The following D2HGDH variants were observed in gnomAD, a reference collection of about 807,000 sequenced individuals.
D2HGDH encodes D-2-hydroxyglutarate dehydrogenase, mitochondrial.
Under a neutral mutation model 46.9 loss-of-function variants are expected in D2HGDH, and 31 were observed. The observed-to-expected ratio is 0.66, with a 90% CI of 0.50 to 0.89. The LOEUF (loss-of-function observed/expected upper bound fraction) is 0.89, where lower values mean the gene tolerates loss of function less well. D2HGDH is among the 40% of genes least tolerant of loss of function. D2HGDH has a pLI of 0.00. For synonymous variants in D2HGDH, 364 were observed against 332.6 expected (o/e 1.09, Z -1.03); for missense variants, 698 against 720.8 (o/e 0.97, Z 0.36).
At chr2:241,744,210 C>T (rs1695276579) in intron 5 of D2HGDH, among the ~76,000 whole-genome samples, 1 of 152,236 alleles carries the variant, frequency 6.6e-6, no homozygotes, top group Non-Finnish European at 1.5e-5. Context: ...AGCCGAGTGT[C>T]ACAGGCAGAG....
chr2:241,745,325 G>A (rs1362719748), intron 6 of D2HGDH, among the ~76,000 whole-genome samples: 1 of 152,220 alleles, frequency 6.6e-6, no homozygotes, highest in Non-Finnish European at 1.5e-5. Flanking sequence ...GCCTGCTGCT[G>A]TGTCTCCACA....
intron 7 of D2HGDH, 104 bp downstream of exon 7, chr2:241,750,398 CGGGCGGGTGG>C: frequency 5.8e-6 from 1 of 171,726 alleles, no homozygotes; most frequent in Non-Finnish European, 9.9e-6. Context: ...GGTGCCCGGG[CGGGCGGGTGG>C]GGGGTCCCTG....
chr2:241,741,239 C>T (rs531964531), intron 3 of D2HGDH, 149 bp downstream of exon 3: 24 of 771,152 alleles, frequency 3.1e-5, no homozygotes, highest in Admixed American at 2.6e-4. Context: ...TGTGGTTTTT[C>T]GGTGCTATCT....
rs903781156 is a variant in D2HGDH, at chr2:241,749,500, C to T, written c.854-651C>T. On this transcript the variant is annotated intron_variant, in intron 6 of 9. Coordinates refer to ENST00000321264, the MANE Select transcript of D2HGDH (RefSeq NM_152783.5). ...ATCTTTGCACTTGAGGGTCGGCTTC[C>T]CCAGGGCAGCGGCCTCACTGGTAGC... 4.0e-6 allele frequency: 3 copies of T among 759,234 alleles called. No homozygotes were observed. The African/African-American group carries it at 5.6e-5, about 14-fold the overall frequency. 47.0% of individuals were successfully genotyped at this position (759,234 alleles called of 1,614,324 possible). A position where few individuals can be genotyped will look rare whatever the true frequency, so the allele number is the denominator to read the frequency against.
chr2:241,755,046 T>A, intron 8 of D2HGDH: 2 of 1,300,608 alleles, frequency 1.5e-6, no homozygotes, highest in African/African-American at 1.5e-5. Flanking sequence ...ATGGTGCAGA[T>A]CTCCACAATG....
chr2:241,753,523 C>A (rs1339484329), intron 8 of D2HGDH, among the ~76,000 whole-genome samples: 1 of 152,240 alleles, frequency 6.6e-6, no homozygotes. Context: ...ACTCTGTGGT[C>A]TTTCCCTTCT....
chr2:241,756,079 C>CCCCG, intron 9 of D2HGDH, 65 bp downstream of exon 9: 1 of 1,528,202 alleles, frequency 6.5e-7, no homozygotes, highest in African/African-American at 1.4e-5. Flanking sequence ...GTCACCGTCA[C>CCCCG]CCTGCCAGGC....
At chr2:241,758,423 A>G (rs1052739105) in intron 9 of D2HGDH, among the ~76,000 whole-genome samples, 5 of 152,016 alleles carry the variant, frequency 3.3e-5, no homozygotes, top group Admixed American at 3.3e-4. Context: ...ATATTGGCAT[A>G]AAGTTGTTCG....
Position 241,767,824 on chromosome 2 carries a change from C to G in D2HGDH, c.1421C>G (p.Ala474Gly), listed in dbSNP as rs369324431. The change falls in exon 10 of 10, where the codon GCG (alanine) becomes GGG (glycine). Residue 474 changes from alanine to glycine, a missense_variant. Ala to Gly is a moderately conservative substitution (Grantham distance 60). Coordinates refer to ENST00000321264, the MANE Select transcript of D2HGDH (RefSeq NM_152783.5). ...GCCGGGCAGCAGGGCAGCGTCAGCGCGGAGCACGGAGTGGGCTTCAGGAAG... is the reference window on the plus strand; with the variant it reads ...GCCGGGCAGCAGGGCAGCGTCAGCGGGGAGCACGGAGTGGGCTTCAGGAAG... ...WTAGQQGSVS[A>G]EHGVGFRKRD... is the part of the protein sequence containing the mutation. The G allele has an allele frequency of 6.2e-7, 1 of 1,612,402 alleles. No homozygotes were observed. The highest frequency in any genetic ancestry group is 1.7e-5 in the Admixed American group (1 of 59,930).
At chr2:241,752,069 G>C (rs893025371) in intron 8 of D2HGDH, among the ~76,000 whole-genome samples, 3 of 146,864 alleles carry the variant, frequency 2.0e-5, no homozygotes, top group Non-Finnish European at 4.5e-5. Flanking sequence ...ACCGGGGCCT[G>C]GGCAGTGGGA....
At position 241,748,984 on chromosome 2, in the gene D2HGDH, G is replaced by A. The variant is rs753015323; in HGVS notation, c.854-1167G>A. Reference sequence around the variant, plus strand: ...ACTCGCCTCTTCGTGCCACGCCCACGTCTAAGCCGGGTGGAACAGGCCCTG... The same window carrying A: ...ACTCGCCTCTTCGTGCCACGCCCACATCTAAGCCGGGTGGAACAGGCCCTG... On this transcript the variant is annotated intron_variant, in intron 6 of 9. Coordinates refer to ENST00000321264, the MANE Select transcript of D2HGDH (RefSeq NM_152783.5). 125 of 1,250,530 alleles carry A rather than the reference G, an allele frequency of 1.0e-4. No homozygotes were observed. In the Middle Eastern group the frequency reaches 3.8e-3, roughly 38 times the overall value. 77.5% of individuals were successfully genotyped at this position (1,250,530 alleles called of 1,614,324 possible).
At chr2:241,758,769 A>ATGTATGTGTG (rs1698444699) in intron 9 of D2HGDH, among the ~76,000 whole-genome samples, 1 of 131,896 alleles carries the variant, frequency 7.6e-6, no homozygotes, top group South Asian at 2.7e-4. Flanking sequence ...CCCACAATAT[A>ATGTATGTGTG]TGTGTGTGTG....
Position 241,767,936 on chromosome 2 carries a change from C to T in D2HGDH, c.1533C>T (p.Leu511=), listed in dbSNP as rs575650000. 6.3e-7 allele frequency: 1 copy of T among 1,598,996 alleles called. No individual in the cohort carries two copies. ...CCCTGCTGGACCCCAAGGGCATCCT[C>T]AACCCCTACAAGACGCTGCCCAGCC... The part of the protein sequence containing the change: ...LKALLDPKGI[L]NPYKTLPSQA Residue 511 remains leucine, a synonymous_variant, in exon 10 of 10, where the codon CTC becomes CTT. Transcript: ENST00000321264.
chr2:241,755,805 C>A, intron 8 of D2HGDH, 44 bp from the exon 9 acceptor site: 1 of 1,610,272 alleles, frequency 6.2e-7, no homozygotes, highest in South Asian at 1.1e-5. Flanking sequence ...CCCCGGGTGT[C>A]GTTCCCATAG....
At position 241,767,845 on chromosome 2, in the gene D2HGDH, G is replaced by A. The variant is rs775941445; in HGVS notation, c.1442G>A (p.Arg481Lys). Residue 481 changes from arginine to lysine, a missense_variant, in exon 10 of 10, where the codon AGG becomes AAG. Arg to Lys is a conservative substitution (Grantham distance 26, BLOSUM62 2). Transcript: ENST00000321264. ...SVSAEHGVGF[R>K]KRDVLGYSKP... ...AGCGCGGAGCACGGAGTGGGCTTCA[G>A]GAAGAGGGACGTCCTGGGCTACAGC... 1.2e-6 allele frequency: 2 copies of A among 1,612,002 alleles called. No homozygotes were observed. The highest frequency in any genetic ancestry group is 3.3e-5 in the Admixed American group (2 of 59,862).
intron 8 of D2HGDH, chr2:241,755,488 C>T: frequency 1.5e-6 from 2 of 1,333,464 alleles, no homozygotes; most frequent in Non-Finnish European, 2.0e-6. Flanking sequence ...GTGGGCGCCT[C>T]CCCCTTCCGT....
intron 7 of D2HGDH, 152 bp downstream of exon 7, chr2:241,750,446 C>T (rs1696975403): frequency 1.1e-6 from 1 of 947,872 alleles, no homozygotes; most frequent in Non-Finnish European, 1.6e-6. Context: ...CCGTTGGGCT[C>T]ATGTGTAAGA....
intron 6 of D2HGDH, among the ~76,000 whole-genome samples, chr2:241,745,875 C>T (rs1378354447): frequency 1.3e-5 from 2 of 152,146 alleles, no homozygotes; most frequent in Admixed American, 1.3e-4. Context: ...CCGGTGGAAA[C>T]GCTGACCCGC....
intron 6 of D2HGDH, chr2:241,748,736 C>G: frequency 4.1e-6 from 4 of 974,734 alleles, no homozygotes; most frequent in Non-Finnish European, 5.1e-6. Context: ...CACCACCTGA[C>G]CCCGGAACGG....
Sources: gnomAD v4.1 joint callset for allele counts (sites outside exome capture counted in the v4.1 genomes callset) on GRCh38, gnomAD v4.1.1 for gene constraint, MANE v1.5 for transcripts, NCBI Gene and HGNC (gene_info 2026-07-23, HGNC 2026-07-21) for gene names.